The following NLGN1 variants were observed in gnomAD, a reference collection of about 807,000 sequenced individuals.
NLGN1 encodes the protein neuroligin 1, also known as neuroligin-1.
NLGN1 carries 12 observed loss-of-function variants against 65.5 expected under a neutral mutation model. The ratio of observed to expected loss-of-function variants is 0.18; its 90% CI spans 0.12 to 0.30. NLGN1 has a LOEUF of 0.30. Ranked by LOEUF, NLGN1 falls within the 10% of genes least tolerant of loss-of-function variation. The pLI, the probability that NLGN1 is intolerant of heterozygous loss-of-function variation, is 1.00. For missense variants in NLGN1, 750 were observed against 1,007.1 expected (o/e 0.74, Z 3.46); for synonymous variants, 350 against 359.5 (o/e 0.97, Z 0.30).
At chr3:173,500,627 G>T (rs1730927047) in intron 2 of NLGN1, among the ~76,000 whole-genome samples, 1 of 152,110 alleles carries the variant, frequency 6.6e-6, no homozygotes, top group Non-Finnish European at 1.5e-5. Context: ...AGAAGGAATG[G>T]TACCAGCTCC....
intron 4 of NLGN1, among the ~76,000 whole-genome samples, chr3:173,946,710 A>G (rs1037500908): frequency 1.3e-5 from 2 of 152,220 alleles, no homozygotes; most frequent in African/African-American, 4.8e-5. Flanking sequence ...GCAGAGAATG[A>G]AAGTCTCTTC....
At chr3:173,959,837 T>C (rs1479522394) in intron 4 of NLGN1, among the ~76,000 whole-genome samples, 3 of 152,166 alleles carry the variant, frequency 2.0e-5, no homozygotes, top group Admixed American at 6.5e-5. Flanking sequence ...CAGGTAAATA[T>C]TGGTTTTTGG....
At chr3:174,063,370 A>T (rs1293560630) in intron 4 of NLGN1, among the ~76,000 whole-genome samples, 1 of 152,194 alleles carries the variant, frequency 6.6e-6, no homozygotes, top group South Asian at 2.1e-4. Context: ...TCTTGATGCT[A>T]TGGGAAATGA....
At chr3:173,736,933 G>T (rs1773868618) in intron 3 of NLGN1, among the ~76,000 whole-genome samples, 1 of 151,976 alleles carries the variant, frequency 6.6e-6, no homozygotes, top group Non-Finnish European at 1.5e-5. Flanking sequence ...AAATGTAGCT[G>T]AGATTTTAAT....
chr3:173,539,604 G>A (rs1280770633), intron 2 of NLGN1, among the ~76,000 whole-genome samples: 1 of 96,742 alleles, frequency 1.0e-5, no homozygotes, highest in East Asian at 4.3e-4. Context: ...TATAATATAT[G>A]TATGTTATAT....
At chr3:173,463,188 T>G (rs545046574) in intron 2 of NLGN1, among the ~76,000 whole-genome samples, 3 of 152,312 alleles carry the variant, frequency 2.0e-5, no homozygotes, top group East Asian at 3.9e-4. Context: ...AGGTAACCTC[T>G]ACCCAAACAT....
At chr3:173,829,992 T>C (rs1722174397) in intron 4 of NLGN1, among the ~76,000 whole-genome samples, 1 of 112,688 alleles carries the variant, frequency 8.9e-6, no homozygotes, top group Non-Finnish European at 1.8e-5. Flanking sequence ...GGTTATAGAA[T>C]TACAGTGGGT....
chr3:174,060,176 T>C (rs1371210202), intron 4 of NLGN1, among the ~76,000 whole-genome samples: 6 of 152,140 alleles, frequency 3.9e-5, no homozygotes, highest in Non-Finnish European at 7.3e-5. Flanking sequence ...TTAAAGAATA[T>C]ATATTTTTTA....
chr3:174,201,899 G>C (rs1167446252), intron 4 of NLGN1, among the ~76,000 whole-genome samples: 1 of 152,062 alleles, frequency 6.6e-6, no homozygotes, highest in South Asian at 2.1e-4. Flanking sequence ...TCTTATTGAA[G>C]GCAGATTTTT....
At chr3:174,162,483 G>A (rs574040975) in intron 4 of NLGN1, among the ~76,000 whole-genome samples, 18 of 151,852 alleles carry the variant, frequency 1.2e-4, no homozygotes, top group Non-Finnish European at 2.2e-4. Flanking sequence ...TACAATGATC[G>A]ATAAAATCAT....
chr3:174,226,037 G>A (rs1286107282), intron 4 of NLGN1, among the ~76,000 whole-genome samples: 1 of 152,078 alleles, frequency 6.6e-6, no homozygotes, highest in African/African-American at 2.4e-5. Flanking sequence ...TACTGAAGGT[G>A]ATGTTCTCTT....
At chr3:173,777,607 T>TTCTGTCTG (rs149878598) in intron 3 of NLGN1, among the ~76,000 whole-genome samples, 248 of 149,700 alleles carry the variant, frequency 1.7e-3, no homozygotes, top group African/African-American at 5.4e-3. Flanking sequence ...CCAGAATGTA[T>TTCTGTCTG]TCTGTCTGTC....
intron 3 of NLGN1, among the ~76,000 whole-genome samples, chr3:173,767,244 G>C (rs2150241072): frequency 6.6e-6 from 1 of 152,144 alleles, no homozygotes; most frequent in South Asian, 2.1e-4. Context: ...TAAGTCTGAA[G>C]GGATTTCTTA....
intron 2 of NLGN1, among the ~76,000 whole-genome samples, chr3:173,593,936 A>G (rs868610324): frequency 6.6e-6 from 1 of 152,178 alleles, no homozygotes; most frequent in Non-Finnish European, 1.5e-5. Flanking sequence ...ATTCACTACC[A>G]TGAGAACAGT....
chr3:173,575,417 G>A (rs1440202849), intron 2 of NLGN1, among the ~76,000 whole-genome samples: 1 of 151,876 alleles, frequency 6.6e-6, no homozygotes, highest in African/African-American at 2.4e-5. Context: ...CGTACTTTTG[G>A]TATTCTAAAT....
chr3:173,679,423 G>A (rs1763626054), intron 3 of NLGN1, among the ~76,000 whole-genome samples: 1 of 152,014 alleles, frequency 6.6e-6, no homozygotes, highest in South Asian at 2.1e-4. Context: ...ACAGATTCGG[G>A]TTATATGAAT....
intron 3 of NLGN1, among the ~76,000 whole-genome samples, chr3:173,775,374 C>G (rs1780158419): frequency 6.6e-6 from 1 of 152,066 alleles, no homozygotes; most frequent in African/African-American, 2.4e-5. Context: ...GTGCCATTCT[C>G]CCTTAAGGCT....
At chr3:173,843,110 C>T (rs1332483583) in intron 4 of NLGN1, among the ~76,000 whole-genome samples, 1 of 152,232 alleles carries the variant, frequency 6.6e-6, no homozygotes, top group Non-Finnish European at 1.5e-5. Context: ...CTTGCACTTT[C>T]TGAAGCCATG....
chr3:173,668,736 G>A (rs1378517765), intron 3 of NLGN1, among the ~76,000 whole-genome samples: 2 of 151,062 alleles, frequency 1.3e-5, no homozygotes, highest in Non-Finnish European at 2.9e-5. Flanking sequence ...CAATGCTCAT[G>A]CCTCAGCCTC....
Sources: gnomAD v4.1 joint callset for allele counts (sites outside exome capture counted in the v4.1 genomes callset) on GRCh38, gnomAD v4.1.1 for gene constraint, MANE v1.5 for transcripts, NCBI Gene and HGNC (gene_info 2026-07-23, HGNC 2026-07-21) for gene names.